Variants in WDR41 observed in about 807,000 individuals in gnomAD.
The protein encoded by WDR41 is WD repeat-containing protein 41.
Under a neutral mutation model 69.3 loss-of-function variants are expected in WDR41, and 63 were observed. That is an observed-to-expected ratio of 0.91 (90% CI 0.74 to 1.12). The LOEUF (loss-of-function observed/expected upper bound fraction) is 1.12. WDR41 is among the 50% of genes most tolerant of loss of function. The pLI is 0.00. For synonymous variants in WDR41, 185 were observed against 192.1 expected (o/e 0.96, Z 0.31); for missense variants, 543 against 534.5 (o/e 1.02, Z -0.16).
chr5:77,539,446 G>T (rs2112221560), intron 1 of WDR41, among the ~76,000 whole-genome samples: 2 of 152,256 alleles, frequency 1.3e-5, no homozygotes, highest in Admixed American at 1.3e-4. Flanking sequence ...CAGTAGGTCT[G>T]GGGTGGAGTG....
rs983827973 is a variant in WDR41 at position 77,585,378 on chromosome 5, A to G, written c.42+35101T>C. On this transcript the variant is annotated intron_variant, in intron 1 of 5. Transcript: ENST00000509971. ...GAACACTTCTACACTGCTGGTGGGAATGTAAACTAGTACAGCTGCTATGGA... is the reference window on the plus strand; with the variant it reads ...GAACACTTCTACACTGCTGGTGGGAGTGTAAACTAGTACAGCTGCTATGGA... Among the ~76,000 whole-genome samples, 4 of 152,204 alleles carry G rather than the reference A, an allele frequency of 2.6e-5. No homozygotes were observed. The East Asian group carries it at 7.7e-4, about 29-fold the overall frequency.
rs573314892 is a variant in WDR41, at chr5:77,472,511, A to G, written c.168-7702T>C. Among the ~76,000 whole-genome samples, 435 of 151,916 alleles carry G rather than the reference A, an allele frequency of 2.9e-3. 4 individuals are homozygous for G. The highest frequency in any genetic ancestry group is 0.01 in the African/African-American group (419 of 41,372). On this transcript the variant is annotated intron_variant, in intron 2 of 12. Coordinates refer to ENST00000296679, the MANE Select transcript of WDR41 (RefSeq NM_018268.4). ...CCCTGTTTGCAGATGACATGATTGT[A>G]TATCTAGAAAACCCCATTGTCTCAG... is the stretch of plus-strand genomic sequence containing the variant.
intron 1 of WDR41, among the ~76,000 whole-genome samples, chr5:77,594,234 GAA>G (rs1236137429): frequency 1.5e-5 from 2 of 131,910 alleles, no homozygotes; most frequent in Non-Finnish European, 3.1e-5. Context: ...TTGGACACAG[GAA>G]GGGGAACATC....
At chr5:77,611,324 A>C (rs1278495894) in intron 1 of WDR41, among the ~76,000 whole-genome samples, 1 of 152,180 alleles carries the variant, frequency 6.6e-6, no homozygotes, top group African/African-American at 2.4e-5. Context: ...CATCTACAGA[A>C]CTCTCCACCC....
At chr5:77,510,459 A>G (rs1190826136) in intron 1 of WDR41, among the ~76,000 whole-genome samples, 1 of 152,152 alleles carries the variant, frequency 6.6e-6, no homozygotes, top group African/African-American at 2.4e-5. Flanking sequence ...GACTTAACCA[A>G]TTAGGAAATG....
At chr5:77,552,927 T>C (rs1743323531) in intron 1 of WDR41, among the ~76,000 whole-genome samples, 1 of 152,194 alleles carries the variant, frequency 6.6e-6, no homozygotes, top group African/African-American at 2.4e-5. Flanking sequence ...AAAACAAACC[T>C]ATAAGACTTT....
At chr5:77,504,724 G>A (rs1227053348) in intron 1 of WDR41, among the ~76,000 whole-genome samples, 3 of 152,110 alleles carry the variant, frequency 2.0e-5, no homozygotes, top group Admixed American at 1.3e-4. Context: ...TTCAATATAC[G>A]CAAATCAATA....
At chr5:77,476,874 C>G (rs919326956) in intron 2 of WDR41, among the ~76,000 whole-genome samples, 55 of 144,208 alleles carry the variant, frequency 3.8e-4, no homozygotes, top group African/African-American at 1.4e-3. Flanking sequence ...AAGACACAGA[C>G]TGGCAAATTG....
In WDR41 at chr5:77,432,494, C is replaced by A. The variant is rs1395743335; in HGVS notation, c.*641G>T. ...ATGAGGGGCAGTTGTTGTTCTAGTACCCATTTAGCCCATGGCTCTTCAAGC... is the reference window on the plus strand; with the variant it reads ...ATGAGGGGCAGTTGTTGTTCTAGTAACCATTTAGCCCATGGCTCTTCAAGC... On this transcript the variant is annotated 3_prime_UTR_variant, in exon 13 of 13. Coordinates refer to ENST00000296679, the MANE Select transcript of WDR41 (RefSeq NM_018268.4). 1 of 152,310 alleles carries A rather than the reference C, an allele frequency of 6.6e-6. No homozygotes were observed. Among genetic ancestry groups the A allele is most frequent in the East Asian group, 1.9e-4 (1 of 5,186 alleles). The allele number at this position is 152,310 out of a possible 1,614,324, so 9.4% of individuals were successfully genotyped here.
In WDR41 at chr5:77,436,245, G is replaced by A; in HGVS notation, c.1227+16C>T. The A allele has an allele frequency of 6.2e-7, 1 of 1,603,988 alleles. No homozygotes were observed. Among genetic ancestry groups the A allele is most frequent in the South Asian group, 1.1e-5 (1 of 89,670 alleles). ...AGCAGGAGTTGCTTGGACATTCTGT[G>A]GCTAAACAGCAATACCTCCACAGAT... On this transcript the variant is annotated intron_variant, in intron 12 of 12. Coordinates refer to ENST00000296679, the MANE Select transcript of WDR41 (RefSeq NM_018268.4).
chr5:77,500,917 A>C (rs10942824), intron 1 of WDR41, among the ~76,000 whole-genome samples: 93,068 of 152,110 alleles, frequency 0.61, 30,288 homozygotes, highest in African/African-American at 0.84. Flanking sequence ...TCCAAGATGG[A>C]CAAATAGGAG....
chr5:77,495,497 G>A (rs61710538), upstream of WDR41, among the ~76,000 whole-genome samples: 8,065 of 151,858 alleles, frequency 0.053, 365 homozygotes, highest in Admixed American at 0.13. Flanking sequence ...ATGAACAATC[G>A]AACACAAATT....
At chr5:77,506,886 G>C (rs10473991) in intron 1 of WDR41, among the ~76,000 whole-genome samples, 7,826 of 152,066 alleles carry the variant, frequency 0.051, 345 homozygotes, top group Admixed American at 0.13. Flanking sequence ...GGGGCCTGTA[G>C]GGGGTGGGGA....
At chr5:77,471,515 T>G (rs1008071531) in intron 2 of WDR41, among the ~76,000 whole-genome samples, 1 of 151,756 alleles carries the variant, frequency 6.6e-6, no homozygotes, top group African/African-American at 2.4e-5. Flanking sequence ...ATCAACAAAA[T>G]TGATAGAACG....
chr5:77,477,454 T>C lies in WDR41; in HGVS notation c.167+12003A>G, dbSNP rs10474508. Among the ~76,000 whole-genome samples, 3 of 86,214 alleles carry C rather than the reference T, an allele frequency of 3.5e-5. 1 individual carries two copies. The highest frequency in any genetic ancestry group is 7.9e-4 in the South Asian group (2 of 2,526). The allele number at this position is 86,214 out of a possible 152,430, so 56.6% of individuals were successfully genotyped here. A position where few individuals can be genotyped will look rare whatever the true frequency, so the allele number is the denominator to read the frequency against. On this transcript the variant is annotated intron_variant, in intron 2 of 12. Coordinates refer to ENST00000296679, the MANE Select transcript of WDR41 (RefSeq NM_018268.4). ...GCTCTCCTCAGGAAATGTAGAAGAATAGAAATTATAACAAACTATCTCTCA... is the reference window on the plus strand; with the variant it reads ...GCTCTCCTCAGGAAATGTAGAAGAACAGAAATTATAACAAACTATCTCTCA...
At chr5:77,527,308 C>G (rs1386818089) in intron 1 of WDR41, among the ~76,000 whole-genome samples, 1 of 151,678 alleles carries the variant, frequency 6.6e-6, no homozygotes, top group African/African-American at 2.4e-5. Context: ...AAACATACAC[C>G]ATGCAAACAT....
chr5:77,445,761 G>C lies in WDR41; in HGVS notation c.697+3999C>G, dbSNP rs541780995. The stretch of plus-strand genomic sequence containing the variant: ...AAAAATTCTCAATAAACTAGGTATT[G>C]ATAGAACATATCTCAAAATAATAAG... On this transcript the variant is annotated intron_variant, in intron 8 of 12. Coordinates refer to ENST00000296679, the MANE Select transcript of WDR41 (RefSeq NM_018268.4). Among the ~76,000 whole-genome samples, 4 of 152,234 alleles carry C rather than the reference G, an allele frequency of 2.6e-5. No individual in the cohort carries two copies. In the East Asian group the frequency reaches 5.8e-4, roughly 22 times the overall value.
At chr5:77,459,235 C>A in intron 4 of WDR41, 111 bp from the exon 5 acceptor site, 1 of 758,400 alleles carries the variant, frequency 1.3e-6, no homozygotes, top group South Asian at 2.1e-5. Context: ...ATCTTTAAAT[C>A]AAACATAAAA....
intron 2 of WDR41, among the ~76,000 whole-genome samples, chr5:77,475,651 C>A (rs535168645): frequency 2.4e-4 from 36 of 152,252 alleles, no homozygotes; most frequent in African/African-American, 7.9e-4. Context: ...AAAGGACATC[C>A]ACACCAAAAA....
Sources: allele counts gnomAD v4.1 joint callset (sites outside exome capture counted in the v4.1 genomes callset), GRCh38; gene constraint gnomAD v4.1.1; transcripts MANE v1.5; gene names NCBI Gene and HGNC (gene_info 2026-07-23, HGNC 2026-07-21).